The following CALD1 variants were observed in gnomAD, a reference collection of about 807,000 sequenced individuals.
The protein encoded by CALD1 is caldesmon 1.
A neutral mutation model predicts 99.9 loss-of-function variants in CALD1; 33 were observed. The ratio of observed to expected loss-of-function variants is 0.33; its 90% CI spans 0.25 to 0.44. The LOEUF is 0.44. Ranked by LOEUF, CALD1 falls within the 20% of genes least tolerant of loss-of-function variation. The pLI is 1.00. For synonymous variants in CALD1, 310 were observed against 325.0 expected (o/e 0.95, Z 0.50); for missense variants, 861 against 962.1 (o/e 0.89, Z 1.39).
rs748023816 is a variant in CALD1 at position 134,960,361 on chromosome 7, G to A, written c.2200-172G>A. ...AATGTCCACCCTTGGAGTTGGAGTG[G>A]GGTGAGTTACCAGGGAAAGAAAACC... On this transcript the variant is annotated intron_variant, in intron 12 of 14. Transcript: ENST00000361675. 4 of 647,600 alleles carry A rather than the reference G, an allele frequency of 6.2e-6. No individual in the cohort carries two copies. The East Asian group carries it at 8.2e-5, about 13-fold the overall frequency. 40.1% of individuals were successfully genotyped at this position (647,600 alleles called of 1,614,324 possible). A position where few individuals can be genotyped will look rare whatever the true frequency, so the allele number is the denominator to read the frequency against.
intron 8 of CALD1, among the ~76,000 whole-genome samples, chr7:134,948,879 T>A (rs1469084459): frequency 3.3e-5 from 5 of 151,932 alleles, no homozygotes; most frequent in Non-Finnish European, 5.9e-5. Flanking sequence ...CTTTTTTTTT[T>A]TTATTGTTTT....
chr7:134,760,787 T>C (rs952271787), intron 1 of CALD1, among the ~76,000 whole-genome samples: 1 of 152,176 alleles, frequency 6.6e-6, no homozygotes, highest in African/African-American at 2.4e-5. Flanking sequence ...GTTATAAAAA[T>C]AATAAAACAA....
rs538371373 is a variant in CALD1, at chr7:134,959,174, T to TTTTTTA, written c.2062-782_2062-777dup. Among the ~76,000 whole-genome samples the TTTTTTA allele has an allele frequency of 5.4e-3, 817 of 151,980 alleles. 5 individuals are homozygous for TTTTTTA. Among genetic ancestry groups the TTTTTTA allele is most frequent in the African/African-American group, 0.018 (761 of 41,416 alleles). ...GTCTTGTTTTTTGTTTGTTTTTTTG[T>TTTTTTA]TTTTTATTTTTATTTTTATTTTTGA... On this transcript the variant is annotated intron_variant, in intron 11 of 14. Coordinates refer to ENST00000361675, the MANE Select transcript of CALD1 (RefSeq NM_033138.4).
At chr7:134,799,490 T>C (rs1356402614) in intron 1 of CALD1, among the ~76,000 whole-genome samples, 1 of 152,196 alleles carries the variant, frequency 6.6e-6, no homozygotes, top group Non-Finnish European at 1.5e-5. Context: ...CACATGTAGC[T>C]ATATAGTTTA....
chr7:134,770,715 G>A (rs1796870119), intron 1 of CALD1, among the ~76,000 whole-genome samples: 1 of 152,182 alleles, frequency 6.6e-6, no homozygotes, highest in East Asian at 1.9e-4. Context: ...GGTCCTATAT[G>A]TTTGGATGAA....
At chr7:134,837,685 G>A (rs1332226466) in intron 1 of CALD1, among the ~76,000 whole-genome samples, 1 of 152,114 alleles carries the variant, frequency 6.6e-6, no homozygotes, top group Non-Finnish European at 1.5e-5. Context: ...ATATGCCAGA[G>A]AACATGCTAA....
chr7:134,851,745 C>T (rs11979142), intron 2 of CALD1, among the ~76,000 whole-genome samples: 1 of 152,126 alleles, frequency 6.6e-6, no homozygotes, highest in Admixed American at 6.5e-5. Context: ...GGAGGGTCTC[C>T]TATTGGCAAG....
At chr7:134,715,303 C>T in the CALD1 span, among the ~76,000 whole-genome samples, 9 of 152,182 alleles carry the variant, frequency 5.9e-5, no homozygotes, top group Non-Finnish European at 1.3e-4. Flanking sequence ...AATATATTTT[C>T]GCTCTTGTGT....
At chr7:134,877,580 G>A (rs539833612) in intron 3 of CALD1, among the ~76,000 whole-genome samples, 1 of 152,074 alleles carries the variant, frequency 6.6e-6, no homozygotes, top group African/African-American at 2.4e-5. Context: ...ATGTAGTTAG[G>A]CCTACAATGG....
intron 1 of CALD1, among the ~76,000 whole-genome samples, chr7:134,749,080 A>G (rs1288612404): frequency 3.9e-5 from 6 of 152,232 alleles, no homozygotes; most frequent in African/African-American, 1.4e-4. Flanking sequence ...ATTATTTATA[A>G]GCCACCCAGT....
At chr7:134,792,283 CTT>C (rs1033516337) in intron 1 of CALD1, among the ~76,000 whole-genome samples, 4 of 145,082 alleles carry the variant, frequency 2.8e-5, no homozygotes, top group East Asian at 2.1e-4. Context: ...CAAATTTCCT[CTT>C]CTTTTTTTTT....
chr7:134,851,241 T>C (rs1800067991), intron 2 of CALD1, among the ~76,000 whole-genome samples: 1 of 152,160 alleles, frequency 6.6e-6, no homozygotes, highest in Admixed American at 6.5e-5. Flanking sequence ...GAGTTTGTCA[T>C]GCCTGATATA....
intron 1 of CALD1, among the ~76,000 whole-genome samples, chr7:134,801,218 C>T (rs1246251904): frequency 6.6e-6 from 1 of 152,084 alleles, no homozygotes; most frequent in Admixed American, 6.6e-5. Context: ...ATTTAATATG[C>T]ATATATTACA....
chr7:134,822,222 C>A (rs1798812284), intron 1 of CALD1, among the ~76,000 whole-genome samples: 1 of 152,158 alleles, frequency 6.6e-6, no homozygotes, highest in Non-Finnish European at 1.5e-5. Flanking sequence ...GAAGAGAAAT[C>A]AGACATTTTT....
chr7:134,821,249 A>G (rs958017188), intron 1 of CALD1, among the ~76,000 whole-genome samples: 4 of 151,614 alleles, frequency 2.6e-5, no homozygotes, highest in Admixed American at 6.6e-5. Context: ...TAATATCTGT[A>G]GTTAAAACAA....
At chr7:134,734,369 T>C in the CALD1 span, among the ~76,000 whole-genome samples, 3 of 151,756 alleles carry the variant, frequency 2.0e-5, no homozygotes, top group African/African-American at 7.3e-5. Context: ...TTGTTTTTAC[T>C]ATGGAAATGC....
intron 13 of CALD1, among the ~76,000 whole-genome samples, chr7:134,964,642 C>A (rs1584693196): frequency 6.6e-6 from 1 of 152,010 alleles, no homozygotes; most frequent in Admixed American, 6.6e-5. Context: ...CTGGTGTGCA[C>A]TAAAGTAGTA....
At chr7:134,777,610 G>A (rs1349583618), upstream of CALD1, among the ~76,000 whole-genome samples, 1 of 152,186 alleles carries the variant, frequency 6.6e-6, no homozygotes, top group East Asian at 1.9e-4. Flanking sequence ...AGCAGGGAGA[G>A]TGTGGTTTAG....
chr7:134,770,579 C>T (rs1397707046), intron 1 of CALD1, among the ~76,000 whole-genome samples: 1 of 152,138 alleles, frequency 6.6e-6, no homozygotes, highest in Non-Finnish European at 1.5e-5. Context: ...TCTTGTGTAT[C>T]TCAAATCTCC....
Sources: gnomAD v4.1 joint callset for allele counts (sites outside exome capture counted in the v4.1 genomes callset) on GRCh38, gnomAD v4.1.1 for gene constraint, MANE v1.5 for transcripts, NCBI Gene and HGNC (gene_info 2026-07-23, HGNC 2026-07-21) for gene names.